Variants in TTF2 observed in about 807,000 individuals in gnomAD.
The protein encoded by TTF2 is transcription termination factor 2, also known as RNA polymerase II termination factor.
TTF2 carries 108 observed loss-of-function variants against 142.4 expected under a neutral mutation model. The ratio of observed to expected loss-of-function variants is 0.76; its 90% CI spans 0.65 to 0.89. The LOEUF (loss-of-function observed/expected upper bound fraction) is 0.89, where lower values mean the gene tolerates loss of function less well. Ranked by LOEUF, TTF2 falls within the 40% of genes least tolerant of loss-of-function variation. TTF2 has a pLI of 0.00. For synonymous variants in TTF2, 483 were observed against 506.2 expected (o/e 0.95, Z 0.61); for missense variants, 1,327 against 1,379.8 (o/e 0.96, Z 0.61).
chr1:117,095,197 G>A, intron 18 of TTF2, 112 bp from the exon 19 acceptor site: 1 of 937,848 alleles, frequency 1.1e-6, no homozygotes, highest in Non-Finnish European at 1.7e-6. Context: ...AATAAAGACA[G>A]GTGAGGCCAG....
chr1:117,097,252 C>A lies in TTF2; in HGVS notation c.3187-99C>A. 1 of 995,998 alleles carries A rather than the reference C, an allele frequency of 1.0e-6. No homozygotes were observed. The highest frequency in any genetic ancestry group is 1.6e-6 in the Non-Finnish European group (1 of 633,548). The allele number at this position is 995,998 out of a possible 1,614,324, so 61.7% of individuals were successfully genotyped here. On this transcript the variant is annotated intron_variant, in intron 20 of 22. Transcript: ENST00000369466. The surrounding 1 kb of genome is among the most constrained non-coding windows in gnomAD (Gnocchi z 4.1). ...ACAGCAGAAGGAAATTTGATAGGAACACAGTGCTTATCTGTATTGATTGTG... is the reference window on the plus strand; with the variant it reads ...ACAGCAGAAGGAAATTTGATAGGAAAACAGTGCTTATCTGTATTGATTGTG...
intron 3 of TTF2, 49 bp downstream of exon 3, chr1:117,062,522 T>C (rs75680676): frequency 3.1e-5 from 45 of 1,472,226 alleles, no homozygotes; most frequent in Non-Finnish European, 4.2e-5. Context: ...TTTTTTTTTT[T>C]CTCCCTGAAA....
At position 117,065,835 on chromosome 1, in the gene TTF2, A is replaced by G. The variant is rs550021203; in HGVS notation, c.218+3362A>G. On this transcript the variant is annotated intron_variant, in intron 3 of 22. Coordinates refer to ENST00000369466, the MANE Select transcript of TTF2 (RefSeq NM_003594.4). ...TACATACTACTGGAGGACCTTTACC[A>G]TACAGACATACTGTGGTAGTTGTTA... Among the ~76,000 whole-genome samples, 39 of 152,200 alleles carry G rather than the reference A, an allele frequency of 2.6e-4. 1 individual carries two copies. Among genetic ancestry groups the G allele is most frequent in the African/African-American group, 2.4e-5 (1 of 41,508 alleles).
In TTF2 at chr1:117,080,806, C is replaced by G. The variant is rs151246088; in HGVS notation, c.1784-1022C>G. 6.6e-6 allele frequency among the ~76,000 whole-genome samples: 1 copy of G among 152,330 alleles called. No homozygotes were observed. The highest frequency in any genetic ancestry group is 1.9e-4 in the East Asian group (1 of 5,184). ...GGCAGAATCCAGGGGAAACCAGGTA[C>G]AAGCTTCCAGTGTCCTCCCAGTGGA... On this transcript the variant is annotated intron_variant, in intron 9 of 22. Coordinates refer to ENST00000369466, the MANE Select transcript of TTF2 (RefSeq NM_003594.4). The surrounding 1 kb of genome is among the most constrained non-coding windows in gnomAD (Gnocchi z 4.3).
At chr1:117,065,819 C>A (rs1175031108) in intron 3 of TTF2, among the ~76,000 whole-genome samples, 1 of 151,970 alleles carries the variant, frequency 6.6e-6, no homozygotes, top group Non-Finnish European at 1.5e-5. Context: ...TTACATACTA[C>A]TGGAGGACCT....
intron 3 of TTF2, among the ~76,000 whole-genome samples, chr1:117,067,263 G>A (rs1177834229): frequency 6.6e-6 from 1 of 152,178 alleles, no homozygotes; most frequent in East Asian, 1.9e-4. Context: ...CAGGCATGGT[G>A]GTTCACACCT....
At chr1:117,098,361 T>G (rs1199169226) in intron 21 of TTF2, 1 of 152,398 alleles carries the variant, frequency 6.6e-6, no homozygotes, top group Non-Finnish European at 1.5e-5. Flanking sequence ...GATCATTAGC[T>G]GGCCCTTCAA....
chr1:117,096,584 G>C (rs1649176552), intron 20 of TTF2, among the ~76,000 whole-genome samples: 1 of 152,136 alleles, frequency 6.6e-6, no homozygotes, highest in South Asian at 2.1e-4. Flanking sequence ...CACCATGTTG[G>C]CCAGGCTGGT....
chr1:117,081,651 C>T (rs1482429514), intron 9 of TTF2, among the ~76,000 whole-genome samples, 177 bp from the exon 10 acceptor site: 2 of 152,086 alleles, frequency 1.3e-5, no homozygotes, highest in East Asian at 3.9e-4. Flanking sequence ...AGAGCAAGTG[C>T]TAGGGTTCTG....
At chr1:117,060,592 G>GCCCGGGGCCTCCCGAGAGGAGCTT (rs769134962) in intron 2 of TTF2, 35 bp downstream of exon 2, 1 of 1,556,354 alleles carries the variant, frequency 6.4e-7, no homozygotes, top group Admixed American at 1.9e-5. Flanking sequence ...CCCTGTGGCT[G>GCCCGGGGCCTCCCGAGAGGAGCTT]CCCGGGGCCT....
Position 117,106,446 on chromosome 1 carries a change from C to T in TTF2, c.*4922C>T, listed in dbSNP as rs1649951179. 1 of 152,180 alleles carries T rather than the reference C, an allele frequency of 6.6e-6. No homozygotes were observed. The highest frequency in any genetic ancestry group is 2.4e-5 in the African/African-American group (1 of 41,430). The allele number at this position is 152,180 out of a possible 1,614,324, so 9.4% of individuals were successfully genotyped here. ...CAGAAAGGATGAGACTATTTTCTTG[C>T]TTAATTATCCACACAGTAATTCAGA... On this transcript the variant is annotated 3_prime_UTR_variant, in exon 23 of 23. Transcript: ENST00000369466.
At position 117,079,024 on chromosome 1, in the gene TTF2, G is replaced by A. The variant is rs1348552686; in HGVS notation, c.1702-544G>A. Among the ~76,000 whole-genome samples the A allele has an allele frequency of 6.6e-6, 1 of 152,158 alleles. No individual in the cohort carries two copies. The highest frequency in any genetic ancestry group is 6.5e-5 in the Admixed American group (1 of 15,274). ...GGAGGCCGAGGCAGGCAGATCACTT[G>A]AGGCCAGGAGCTCAAGACTAGCCTG... On this transcript the variant is annotated intron_variant, in intron 8 of 22. Transcript: ENST00000369466. This position sits in a 1 kb window ranked among gnomAD's most constrained non-coding sequence, Gnocchi z 4.2.
At chr1:117,069,836 G>A (rs1230145451) in intron 3 of TTF2, among the ~76,000 whole-genome samples, 2 of 152,212 alleles carry the variant, frequency 1.3e-5, no homozygotes, top group Non-Finnish European at 2.9e-5. Flanking sequence ...GTGTTTTGGT[G>A]AAGAAGTCAG....
Position 117,106,289 on chromosome 1 carries a change from A to T in TTF2, c.*4765A>T, listed in dbSNP as rs1444608741. The T allele has an allele frequency of 6.7e-6, 1 of 150,138 alleles. No homozygotes were observed. Among genetic ancestry groups the T allele is most frequent in the African/African-American group, 2.5e-5 (1 of 40,798 alleles). 9.3% of individuals were successfully genotyped at this position (150,138 alleles called of 1,614,324 possible). On this transcript the variant is annotated 3_prime_UTR_variant, in exon 23 of 23. Coordinates refer to ENST00000369466, the MANE Select transcript of TTF2 (RefSeq NM_003594.4). ...GATAGATATGAAAAAAAAAAAAAGC[A>T]AACCCAGCCTAACTCCCAGGGAGGG...
chr1:117,065,247 A>G lies in TTF2; in HGVS notation c.218+2774A>G, dbSNP rs146767230. 2.0e-3 allele frequency among the ~76,000 whole-genome samples: 308 copies of G among 152,362 alleles called. 3 individuals are homozygous for G. The highest frequency in any genetic ancestry group is 2.0e-3 in the Non-Finnish European group (134 of 68,034). On this transcript the variant is annotated intron_variant, in intron 3 of 22. Coordinates refer to ENST00000369466, the MANE Select transcript of TTF2 (RefSeq NM_003594.4). ...CCTGTTGGGATTGCATTGAATCTAT[A>G]TAGATCAATTTGGAGAGAATTGTCA... is the stretch of plus-strand genomic sequence containing the variant.
intron 18 of TTF2, 21 bp from the exon 19 acceptor site, chr1:117,095,288 G>C (rs1480381267): frequency 6.2e-7 from 1 of 1,613,276 alleles, no homozygotes; most frequent in Non-Finnish European, 8.5e-7. Flanking sequence ...AACATACAAT[G>C]TTGATGTAAC....
In TTF2 at chr1:117,105,824, C is replaced by T. The variant is rs1364336356; in HGVS notation, c.*4300C>T. 3 of 152,154 alleles carry T rather than the reference C, an allele frequency of 2.0e-5. No individual in the cohort carries two copies. The highest frequency in any genetic ancestry group is 4.4e-5 in the Non-Finnish European group (3 of 68,016). 9.4% of individuals were successfully genotyped at this position (152,154 alleles called of 1,614,324 possible). A position where few individuals can be genotyped will look rare whatever the true frequency, so the allele number is the denominator to read the frequency against. On this transcript the variant is annotated 3_prime_UTR_variant, in exon 23 of 23. Transcript: ENST00000369466. This position sits in a 1 kb window ranked among gnomAD's most constrained non-coding sequence, Gnocchi z 4.7. ...TGTTTATGGGAGGTGACTTATTTCT[C>T]TATCAATCCTGTGAGTGATTTAGCA... is the stretch of plus-strand genomic sequence containing the variant.
intron 3 of TTF2, among the ~76,000 whole-genome samples, chr1:117,064,949 A>C (rs934743120): frequency 2.0e-5 from 3 of 151,534 alleles, no homozygotes; most frequent in African/African-American, 7.3e-5. Flanking sequence ...ATATGTTACC[A>C]ATTGTTTTAG....
intron 3 of TTF2, 142 bp downstream of exon 3, chr1:117,062,615 T>C (rs1176536094): frequency 1.6e-6 from 1 of 635,618 alleles, no homozygotes; most frequent in Non-Finnish European, 2.6e-6. Flanking sequence ...AAGTGTCTTT[T>C]GGCTGTCACT....
Sources: allele counts gnomAD v4.1 joint callset (sites outside exome capture counted in the v4.1 genomes callset), GRCh38; gene constraint gnomAD v4.1.1; non-coding constraint Gnocchi (gnomAD v3.1); transcripts MANE v1.5; gene names NCBI Gene and HGNC (gene_info 2026-07-23, HGNC 2026-07-21).